Variants in MAGI3 observed in about 807,000 individuals in gnomAD.
MAGI3 encodes membrane associated guanylate kinase, WW and PDZ domain containing 3.
MAGI3 carries 43 observed loss-of-function variants against 121.8 expected under a neutral mutation model. The ratio of observed to expected loss-of-function variants is 0.35; its 90% CI spans 0.28 to 0.46. The LOEUF is 0.46. Among genes scored for constraint, MAGI3 ranks in the 20% least tolerant of loss-of-function variants. The pLI is 1.00. For missense variants in MAGI3, 1,547 were observed against 1,797.3 expected (o/e 0.86, Z 2.52); for synonymous variants, 553 against 639.3 (o/e 0.86, Z 2.04).
rs557422544 is a variant in MAGI3 at position 113,543,783 on chromosome 1, G to C, written c.317-5732G>C. ...CTTGGGAGGCTGAGGTGGGAGGATTGCTGGAGCCCCCGAGGCGGAGGTTGC... is the reference window on the plus strand; with the variant it reads ...CTTGGGAGGCTGAGGTGGGAGGATTCCTGGAGCCCCCGAGGCGGAGGTTGC... On this transcript the variant is annotated intron_variant, in intron 1 of 20. Coordinates refer to ENST00000307546, the MANE Select transcript of MAGI3 (RefSeq NM_001142782.2). Among the ~76,000 whole-genome samples the C allele has an allele frequency of 1.1e-4, 16 of 151,750 alleles. No individual in the cohort carries two copies. The South Asian group carries it at 2.7e-3, about 26-fold the overall frequency.
rs1650731650 is a variant in MAGI3 at position 113,390,667 on chromosome 1, G to T, written c.-367G>T. The T allele has an allele frequency of 6.5e-6, 1 of 154,294 alleles. No individual in the cohort carries two copies. The allele number at this position is 154,294 out of a possible 1,614,324, so 9.6% of individuals were successfully genotyped here. A position where few individuals can be genotyped will look rare whatever the true frequency, so the allele number is the denominator to read the frequency against. On this transcript the variant is annotated 5_prime_UTR_variant, in exon 1 of 21. Transcript: ENST00000307546. ...TCCCCCTTCACCTCCCCGCCCCCCCGCCTCAGCCTTTCCCGCCGCTCGGGC... is the reference window on the plus strand; with the variant it reads ...TCCCCCTTCACCTCCCCGCCCCCCCTCCTCAGCCTTTCCCGCCGCTCGGGC...
chr1:113,651,437 A>G (rs112734038), intron 14 of MAGI3, among the ~76,000 whole-genome samples: 16 of 152,306 alleles, frequency 1.1e-4, no homozygotes, highest in African/African-American at 3.9e-4. Context: ...ATTTTCATAT[A>G]TTGATGCATT....
chr1:113,513,550 G>A (rs889201270), intron 1 of MAGI3, among the ~76,000 whole-genome samples: 1 of 152,036 alleles, frequency 6.6e-6, no homozygotes, highest in Non-Finnish European at 1.5e-5. Context: ...TTAATAAATG[G>A]TGTTGGGAAA....
chr1:113,674,504 T>TC (rs1208391268), intron 19 of MAGI3, among the ~76,000 whole-genome samples: 7 of 151,908 alleles, frequency 4.6e-5, no homozygotes. Flanking sequence ...TAGACACCGT[T>TC]CCCCCTACTA....
intron 15 of MAGI3, among the ~76,000 whole-genome samples, chr1:113,655,275 A>G (rs1235004727): frequency 6.6e-6 from 1 of 152,216 alleles, no homozygotes; most frequent in Non-Finnish European, 1.5e-5. Context: ...AACACCAGGC[A>G]TTCAGATTAA....
At chr1:113,608,207 T>C (rs1358321653) in intron 6 of MAGI3, among the ~76,000 whole-genome samples, 2 of 151,794 alleles carry the variant, frequency 1.3e-5, no homozygotes, top group Non-Finnish European at 2.9e-5. Flanking sequence ...CTTCAATGTT[T>C]GAAAAGAGGG....
At position 113,682,939 on chromosome 1, in the gene MAGI3, A is replaced by T; in HGVS notation, c.3371A>T (p.Tyr1124Phe). The T allele has an allele frequency of 6.2e-7, 1 of 1,604,046 alleles. No homozygotes were observed. Among genetic ancestry groups the T allele is most frequent in the Non-Finnish European group, 8.5e-7 (1 of 1,177,388 alleles). Residue 1124 changes from tyrosine to phenylalanine, a missense_variant, in exon 21 of 21, where the codon TAT (tyrosine) becomes TTT (phenylalanine). By Grantham distance (22) the Tyr-to-Phe change is conservative. Coordinates refer to ENST00000307546, the MANE Select transcript of MAGI3 (RefSeq NM_001142782.2). Reference protein sequence around the residue: ...INNPSSSNVIYDEQSPLPPSS... With the variant: ...INNPSSSNVIFDEQSPLPPSS... ...AATCCTTCGTCTTCAAATGTGATTT[A>T]TGATGAACAGTCACCATTACCCCCA...
chr1:113,419,686 G>T (rs781096666), intron 1 of MAGI3, among the ~76,000 whole-genome samples: 1 of 152,114 alleles, frequency 6.6e-6, no homozygotes, highest in Non-Finnish European at 1.5e-5. Context: ...TTCTTGGTTT[G>T]CAAAGAGAGT....
In MAGI3 at chr1:113,553,980, G is replaced by C. The variant is rs536318056; in HGVS notation, c.433+4349G>C. On this transcript the variant is annotated intron_variant, in intron 2 of 20. Transcript: ENST00000307546. ...GCCGAGATCGTGCCACTGCACTCCAGCCTGGTGACAGAGCGAGACTACGTC... is the reference window on the plus strand; with the variant it reads ...GCCGAGATCGTGCCACTGCACTCCACCCTGGTGACAGAGCGAGACTACGTC... Among the ~76,000 whole-genome samples the C allele has an allele frequency of 3.9e-5, 6 of 152,360 alleles. No individual in the cohort carries two copies. The East Asian group carries it at 1.2e-3, about 29-fold the overall frequency.
chr1:113,637,491 T>C (rs1025538769), intron 9 of MAGI3, among the ~76,000 whole-genome samples: 1 of 152,078 alleles, frequency 6.6e-6, no homozygotes, highest in South Asian at 2.1e-4. Context: ...ACTTATGAAG[T>C]TTAGTTTGGC....
intron 1 of MAGI3, among the ~76,000 whole-genome samples, chr1:113,438,653 G>A (rs771937830): frequency 4.6e-5 from 7 of 152,298 alleles, no homozygotes; most frequent in Non-Finnish European, 2.9e-5. Context: ...GTTGCCTGGT[G>A]AGAGAGAGAT....
chr1:113,621,579 G>A (rs1336485310), intron 8 of MAGI3, among the ~76,000 whole-genome samples: 2 of 152,002 alleles, frequency 1.3e-5, no homozygotes, highest in East Asian at 3.9e-4. Flanking sequence ...ACAAAACCTT[G>A]TGAGTGTTCA....
intron 1 of MAGI3, among the ~76,000 whole-genome samples, chr1:113,528,315 G>T: frequency 6.8e-6 from 1 of 146,872 alleles, no homozygotes; most frequent in African/African-American, 2.5e-5. Context: ...TTTTTTGAAA[G>T]GAGGAGACTT....
intron 2 of MAGI3, among the ~76,000 whole-genome samples, chr1:113,560,225 A>G (rs528086185): frequency 6.6e-6 from 1 of 152,310 alleles, no homozygotes; most frequent in South Asian, 2.1e-4. Flanking sequence ...AATTCACTCA[A>G]AAATTAGTTG....
chr1:113,509,369 G>T (rs200243000), intron 1 of MAGI3, among the ~76,000 whole-genome samples: 7,122 of 65,526 alleles, frequency 0.11, 311 homozygotes, highest in African/African-American at 0.2. Context: ...TTTTTTTTTT[G>T]TTTTCTTTTT....
At position 113,642,154 on chromosome 1, in the gene MAGI3, C is replaced by T. The variant is rs1361115521; in HGVS notation, c.1604C>T (p.Ala535Val). The T allele has an allele frequency of 1.9e-6, 3 of 1,614,120 alleles. No homozygotes were observed. The highest frequency in any genetic ancestry group is 2.5e-6 in the Non-Finnish European group (3 of 1,180,028). ...CMNPQDFKPGAMVLEQNGKSG... is the reference protein window; with the variant it reads ...CMNPQDFKPGVMVLEQNGKSG... ...AATCCTCAGGATTTTAAGCCAGGAG[C>T]AATGGTTCTGGAGCAGAATGGAAAA... is the stretch of plus-strand genomic sequence containing the variant. Residue 535 changes from alanine (A) to valine (V), a missense_variant, in exon 10 of 21, where the codon GCA becomes GTA. Physicochemically the swap from Ala to Val is moderately conservative, Grantham distance 64. Transcript: ENST00000307546.
intron 20 of MAGI3, chr1:113,682,347 TTTAAA>T (rs1648276997): frequency 6.4e-7 from 1 of 1,562,422 alleles, no homozygotes; most frequent in South Asian, 1.2e-5. Context: ...TTTGTTTTCT[TTTAAA>T]TTAAAAATGA....
chr1:113,543,704 C>T (rs1659396617), intron 1 of MAGI3, among the ~76,000 whole-genome samples: 1 of 151,928 alleles, frequency 6.6e-6, no homozygotes, highest in Admixed American at 6.6e-5. Flanking sequence ...ACTGTCTCTA[C>T]CAAAAATACA....
chr1:113,425,224 G>A (rs1475480163), intron 1 of MAGI3, among the ~76,000 whole-genome samples: 1 of 151,172 alleles, frequency 6.6e-6, no homozygotes, highest in African/African-American at 2.4e-5. Flanking sequence ...CAGTGAAATA[G>A]GCTAGGCCTG....
Sources: allele counts gnomAD v4.1 joint callset (sites outside exome capture counted in the v4.1 genomes callset), GRCh38; gene constraint gnomAD v4.1.1; transcripts MANE v1.5; gene names NCBI Gene and HGNC (gene_info 2026-07-23, HGNC 2026-07-21).